Variants in KDM4A observed in about 807,000 individuals in gnomAD.
KDM4A encodes the protein lysine-specific demethylase 4A.
In KDM4A, 23 loss-of-function variants were observed where a neutral mutation model predicts 127.1. The observed-to-expected ratio is 0.18, with a 90% CI of 0.13 to 0.26. The LOEUF (loss-of-function observed/expected upper bound fraction) is 0.26. Among genes scored for constraint, KDM4A ranks in the 10% least tolerant of loss-of-function variants. The pLI is 1.00. For missense variants in KDM4A, 890 were observed against 1,329.1 expected (o/e 0.67, Z 5.14); for synonymous variants, 443 against 466.5 (o/e 0.95, Z 0.65).
At chr1:43,660,473 G>C (rs1047879142) in intron 4 of KDM4A, 61 bp downstream of exon 4, 32 of 1,536,728 alleles carry the variant, frequency 2.1e-5, no homozygotes, top group Middle Eastern at 1.7e-4. Context: ...CCTTTTTTTC[G>C]GCCCGGCACG....
intron 3 of KDM4A, among the ~76,000 whole-genome samples, chr1:43,658,491 T>A (rs2154046530): frequency 6.6e-6 from 1 of 150,678 alleles, no homozygotes; most frequent in East Asian, 2.0e-4. Context: ...GTAAGGCAGT[T>A]ACTTAGTCAG....
At chr1:43,686,335 CTTT>C (rs35280583) in intron 12 of KDM4A, among the ~76,000 whole-genome samples, 1 of 92,918 alleles carries the variant, frequency 1.1e-5, no homozygotes. Flanking sequence ...CACGCCCAGC[CTTT>C]TTTTTTTTTT....
chr1:43,663,069 T>A lies in KDM4A; in HGVS notation c.605T>A (p.Phe202Tyr). Residue 202 changes from phenylalanine to tyrosine, a missense_variant, in exon 5 of 22, where the codon TTT becomes TAT. By Grantham distance (22) the Phe-to-Tyr change is conservative. Transcript: ENST00000372396. ...MDLYSINYLH[F>Y]GEPKSWYSVP... Reference sequence around the variant, plus strand: ...CTCTACAGCATCAACTACCTGCACTTTGGAGAACCAAAGTCCTGGTACAGT... The same window carrying A: ...CTCTACAGCATCAACTACCTGCACTATGGAGAACCAAAGTCCTGGTACAGT... 1 of 1,613,602 alleles carries A rather than the reference T, an allele frequency of 6.2e-7. No homozygotes were observed. Among genetic ancestry groups the A allele is most frequent in the Non-Finnish European group, 8.5e-7 (1 of 1,179,706 alleles).
chr1:43,690,517 GA>G (rs1661084062), intron 13 of KDM4A: 21 of 378,908 alleles, frequency 5.5e-5, no homozygotes, highest in South Asian at 4.1e-4. Flanking sequence ...CGAAGTGCTG[GA>G]ATTACAGGCG....
chr1:43,681,792 T>TTA (rs1660865305), intron 11 of KDM4A, among the ~76,000 whole-genome samples: 1 of 152,202 alleles, frequency 6.6e-6, no homozygotes, highest in African/African-American at 2.4e-5. Context: ...TCTTAACCTT[T>TTA]TATAGTCTGT....
At chr1:43,677,579 C>T (rs894844127) in intron 11 of KDM4A, among the ~76,000 whole-genome samples, 44 of 152,132 alleles carry the variant, frequency 2.9e-4, no homozygotes, top group African/African-American at 8.7e-4. Context: ...TGTAGGCCAG[C>T]GCCTCTCCCC....
At chr1:43,685,893 A>C (rs1459367637) in intron 12 of KDM4A, among the ~76,000 whole-genome samples, 1 of 152,192 alleles carries the variant, frequency 6.6e-6, no homozygotes, top group East Asian at 1.9e-4. Flanking sequence ...ATTCCAGCTC[A>C]GACAGGAGCT....
intron 8 of KDM4A, 103 bp from the exon 9 acceptor site, chr1:43,667,669 C>T: frequency 6.8e-7 from 1 of 1,461,070 alleles, no homozygotes; most frequent in Non-Finnish European, 9.5e-7. Context: ...GGTTATAAAC[C>T]ATCTTGCACT....
At chr1:43,653,942 C>T (rs1223875664) in intron 2 of KDM4A, 1 of 152,176 alleles carries the variant, frequency 6.6e-6, no homozygotes, top group Non-Finnish European at 1.5e-5. Context: ...CAGTCTAAGC[C>T]AGGAGGAAAT....
intron 1 of KDM4A, among the ~76,000 whole-genome samples, chr1:43,652,775 C>T (rs1263328659): frequency 6.6e-6 from 1 of 151,320 alleles, no homozygotes; most frequent in African/African-American, 2.4e-5. Context: ...TTTAGCCTCC[C>T]GGGTTCAAGT....
intron 4 of KDM4A, among the ~76,000 whole-genome samples, chr1:43,661,917 CAG>C (rs1343616543): frequency 6.6e-6 from 1 of 152,142 alleles, no homozygotes; most frequent in African/African-American, 2.4e-5. Context: ...GTTTTTGAGA[CAG>C]AGTCTCGCCC....
At chr1:43,683,559 T>C (rs1051658053) in intron 11 of KDM4A, 125 bp from the exon 12 acceptor site, 67 of 1,112,134 alleles carry the variant, frequency 6.0e-5, no homozygotes, top group Non-Finnish European at 8.1e-5. Context: ...GTATTTTCTG[T>C]TTGGTATTAT....
At chr1:43,656,850 C>T (rs142156869) in intron 3 of KDM4A, among the ~76,000 whole-genome samples, 1,962 of 151,588 alleles carry the variant, frequency 0.013, 21 homozygotes, top group Non-Finnish European at 0.018. Flanking sequence ...CTCAGCCTCC[C>T]GAGTAGCTGG....
intron 4 of KDM4A, 96 bp downstream of exon 4, chr1:43,660,508 G>A: frequency 6.7e-7 from 1 of 1,482,656 alleles, no homozygotes; most frequent in Non-Finnish European, 9.0e-7. Context: ...AAGCTGTTTG[G>A]TGAATGGGTG....
At chr1:43,701,678 G>C (rs567378528) in intron 19 of KDM4A, among the ~76,000 whole-genome samples, 39 of 152,004 alleles carry the variant, frequency 2.6e-4, no homozygotes, top group Non-Finnish European at 1.2e-4. Context: ...GTAGAGATGG[G>C]GTCTCCCCTG....
intron 6 of KDM4A, 76 bp downstream of exon 6, chr1:43,665,821 T>G: frequency 6.8e-7 from 1 of 1,464,058 alleles, no homozygotes; most frequent in Admixed American, 1.7e-5. Context: ...AAATGTGCGT[T>G]CCCCATGGTC....
chr1:43,668,699 G>A (rs1053569281), intron 9 of KDM4A, among the ~76,000 whole-genome samples: 1 of 152,176 alleles, frequency 6.6e-6, no homozygotes, highest in Non-Finnish European at 1.5e-5. Context: ...AAGGGCATTG[G>A]TAATGTCGTG....
intron 10 of KDM4A, among the ~76,000 whole-genome samples, chr1:43,670,735 G>C (rs1320786218): frequency 6.6e-6 from 1 of 151,912 alleles, no homozygotes; most frequent in African/African-American, 2.4e-5. Context: ...GCTGATTTTT[G>C]TATTTTTAGT....
At position 43,688,780 on chromosome 1, in the gene KDM4A, C is replaced by T; in HGVS notation, c.1856-134C>T. 1 of 723,830 alleles carries T rather than the reference C, an allele frequency of 1.4e-6. No homozygotes were observed. The highest frequency in any genetic ancestry group is 1.9e-5 in the South Asian group (1 of 53,476). The allele number at this position is 723,830 out of a possible 1,614,324, so 44.8% of individuals were successfully genotyped here. On this transcript the variant is annotated intron_variant, in intron 12 of 21. Coordinates refer to ENST00000372396, the MANE Select transcript of KDM4A (RefSeq NM_014663.3). The surrounding 1 kb of genome is among the most constrained non-coding windows in gnomAD (Gnocchi z 4.4). ...AGTTGCTTCCACCCTTTGCCTTTAT[C>T]ATCCTTAGGAATTCAGGAGTCACCC...
Sources: gnomAD v4.1 joint callset for allele counts (sites outside exome capture counted in the v4.1 genomes callset) on GRCh38, gnomAD v4.1.1 for gene constraint, Gnocchi (gnomAD v3.1) non-coding constraint, MANE v1.5 for transcripts, NCBI Gene and HGNC (gene_info 2026-07-23, HGNC 2026-07-21) for gene names.